The following FYN variants were observed in gnomAD, a reference collection of about 807,000 sequenced individuals.
FYN encodes the protein tyrosine-protein kinase Fyn.
A neutral mutation model predicts 70.2 loss-of-function variants in FYN; 10 were observed. The ratio of observed to expected loss-of-function variants is 0.14; its 90% CI spans 0.09 to 0.24. FYN has a LOEUF of 0.24. Ranked by LOEUF, FYN falls within the 10% of genes least tolerant of loss-of-function variation. The pLI is 1.00. For synonymous variants in FYN, 236 were observed against 248.6 expected, an observed-to-expected ratio of 0.95 and a Z score of 0.48; for missense variants, 319 against 673.1, an observed-to-expected ratio of 0.47 and a Z score of 5.82.
At chr6:111,696,098 G>C (rs77283165) in intron 10 of FYN, among the ~76,000 whole-genome samples, 179 bp downstream of exon 10, 2 of 152,170 alleles carry the variant, frequency 1.3e-5, no homozygotes, top group Non-Finnish European at 2.9e-5. Context: ...TGGGGTAAAC[G>C]CAAGGTTAGT....
chr6:111,825,352 A>C (rs1772799174), intron 2 of FYN, among the ~76,000 whole-genome samples: 1 of 152,196 alleles, frequency 6.6e-6, no homozygotes, highest in African/African-American at 2.4e-5. Flanking sequence ...TTTATACTCT[A>C]TAGAGGGTAG....
chr6:111,840,723 A>C (rs1457587389), intron 2 of FYN, among the ~76,000 whole-genome samples: 1 of 152,242 alleles, frequency 6.6e-6, no homozygotes, highest in Non-Finnish European at 1.5e-5. Context: ...CCACTCTTAG[A>C]AAACTGCAGC....
chr6:111,786,077 T>C (rs534781320), intron 2 of FYN, among the ~76,000 whole-genome samples: 39 of 152,124 alleles, frequency 2.6e-4, no homozygotes, highest in Admixed American at 2.4e-3. Context: ...TTTTTTATTA[T>C]ACTTTAAGTT....
intron 2 of FYN, among the ~76,000 whole-genome samples, chr6:111,806,635 C>T (rs1445585935): frequency 1.3e-5 from 2 of 152,206 alleles, no homozygotes; most frequent in Non-Finnish European, 1.5e-5. Flanking sequence ...GATGGAGCTG[C>T]TGAATGTCCC....
chr6:111,710,331 C>T (rs1222649955), intron 5 of FYN, among the ~76,000 whole-genome samples: 1 of 152,240 alleles, frequency 6.6e-6, no homozygotes, highest in Non-Finnish European at 1.5e-5. Flanking sequence ...CAGGTTGGGA[C>T]AAGCCCAGCC....
rs1228366308 is a variant in FYN at position 111,694,343 on chromosome 6, T to C, written c.1273+32A>G. The C allele has an allele frequency of 1.2e-6, 2 of 1,612,666 alleles. No individual in the cohort carries two copies. The highest frequency in any genetic ancestry group is 1.1e-5 in the South Asian group (1 of 90,960). ...CAGTAAGTGACTGTTCTCACAGCTGTGATCACGAGCCATTGTCATTCAAGT... is the reference window on the plus strand; with the variant it reads ...CAGTAAGTGACTGTTCTCACAGCTGCGATCACGAGCCATTGTCATTCAAGT... On this transcript the variant is annotated intron_variant, in intron 12 of 13. Coordinates refer to ENST00000354650, the MANE Select transcript of FYN (RefSeq NM_002037.5). The surrounding 1 kb of genome is among the most constrained non-coding windows in gnomAD (Gnocchi z 5.0).
At chr6:111,716,544 G>T (rs1800651482) in intron 4 of FYN, among the ~76,000 whole-genome samples, 1 of 151,992 alleles carries the variant, frequency 6.6e-6, no homozygotes, top group African/African-American at 2.4e-5. Flanking sequence ...ATTAGTTAAG[G>T]CAGAAATTTG....
At chr6:111,803,514 T>C (rs1772053969) in intron 2 of FYN, among the ~76,000 whole-genome samples, 2 of 152,212 alleles carry the variant, frequency 1.3e-5, no homozygotes, top group African/African-American at 2.4e-5. Flanking sequence ...CCTCAGCTGT[T>C]TAGTTTCACA....
chr6:111,819,228 G>A (rs1035094525), intron 2 of FYN, among the ~76,000 whole-genome samples: 1 of 152,112 alleles, frequency 6.6e-6, no homozygotes, highest in African/African-American at 2.4e-5. Context: ...CAGCAATCCT[G>A]GAGATTCAGT....
chr6:111,702,847 C>A (rs1338653341), intron 8 of FYN, 38 bp downstream of exon 8: 1 of 1,603,576 alleles, frequency 6.2e-7, no homozygotes, highest in East Asian at 2.2e-5. Flanking sequence ...CTCCCTCCAG[C>A]ATCCAAATGG....
At chr6:111,696,530 T>C in intron 9 of FYN, 74 bp from the exon 10 acceptor site, 1 of 1,229,584 alleles carries the variant, frequency 8.1e-7, no homozygotes, top group East Asian at 2.5e-5. Flanking sequence ...CCACCAGCTA[T>C]TTGCATAAGA....
intron 3 of FYN, among the ~76,000 whole-genome samples, chr6:111,748,136 G>C (rs117050043): frequency 6.6e-6 from 1 of 152,192 alleles, no homozygotes; most frequent in Non-Finnish European, 1.5e-5. Context: ...AGACATACCC[G>C]TGTTGTGAGC....
chr6:111,775,728 CCACCA>C (rs1413504637), intron 3 of FYN, among the ~76,000 whole-genome samples: 2 of 152,130 alleles, frequency 1.3e-5, no homozygotes, highest in Non-Finnish European at 2.9e-5. Flanking sequence ...AGTCACACAC[CCACCA>C]CAGGGATTCT....
At chr6:111,853,187 GAC>G (rs1477229564) in intron 1 of FYN, among the ~76,000 whole-genome samples, 1 of 152,168 alleles carries the variant, frequency 6.6e-6, no homozygotes, top group African/African-American at 2.4e-5. Context: ...GGGGCTGGAA[GAC>G]CACGGAATCA....
rs1771871457 is a variant in FYN at position 111,797,999 on chromosome 6, G to T, written c.-81-17364C>A. Reference sequence around the variant, plus strand: ...GCTGGTCTCAAACTCCTGACCTCAGGTGATCCGCCCGCCTCGGCCTCCCAA... The same window carrying T: ...GCTGGTCTCAAACTCCTGACCTCAGTTGATCCGCCCGCCTCGGCCTCCCAA... On this transcript the variant is annotated intron_variant, in intron 2 of 13. Coordinates refer to ENST00000354650, the MANE Select transcript of FYN (RefSeq NM_002037.5). 1.3e-5 allele frequency among the ~76,000 whole-genome samples: 2 copies of T among 151,974 alleles called. 1 individual carries two copies. Among genetic ancestry groups the T allele is most frequent in the Admixed American group, 1.3e-4 (2 of 15,256 alleles).
intron 2 of FYN, among the ~76,000 whole-genome samples, chr6:111,795,813 T>C (rs1406469811): frequency 6.6e-6 from 1 of 152,220 alleles, no homozygotes; most frequent in African/African-American, 2.4e-5. Context: ...AGAAGTAACC[T>C]ACTGAGGTGG....
rs28763976 is a variant in FYN, at chr6:111,694,356, T to C, written c.1273+19A>G. On this transcript the variant is annotated intron_variant, in intron 12 of 13. Coordinates refer to ENST00000354650, the MANE Select transcript of FYN (RefSeq NM_002037.5). This position sits in a 1 kb window ranked among gnomAD's most constrained non-coding sequence, Gnocchi z 5.0. ...TTCTCACAGCTGTGATCACGAGCCATTGTCATTCAAGTGCCCACCTTGTCT... is the reference window on the plus strand; with the variant it reads ...TTCTCACAGCTGTGATCACGAGCCACTGTCATTCAAGTGCCCACCTTGTCT... 2.6e-3 allele frequency: 4,156 copies of C among 1,613,810 alleles called. 75 individuals are homozygous for C. In the African/African-American group the frequency reaches 0.042, roughly 16 times the overall value.
At chr6:111,868,054 A>G (rs1226069935) in intron 1 of FYN, among the ~76,000 whole-genome samples, 3 of 151,810 alleles carry the variant, frequency 2.0e-5, no homozygotes, top group African/African-American at 7.3e-5. Context: ...ACACTCACCT[A>G]GCCATCTCTA....
At chr6:111,765,882 C>G (rs903189102) in intron 3 of FYN, among the ~76,000 whole-genome samples, 1 of 151,978 alleles carries the variant, frequency 6.6e-6, no homozygotes, top group Non-Finnish European at 1.5e-5. Flanking sequence ...CCTCCAAGGG[C>G]ACAGAGATGG....
Sources: allele counts gnomAD v4.1 joint callset (sites outside exome capture counted in the v4.1 genomes callset), GRCh38; gene constraint gnomAD v4.1.1; non-coding constraint Gnocchi (gnomAD v3.1); transcripts MANE v1.5; gene names NCBI Gene and HGNC (gene_info 2026-07-23, HGNC 2026-07-21).